The following EMSY variants were observed in gnomAD, a reference collection of about 807,000 sequenced individuals.
EMSY encodes the protein BRCA2-interacting transcriptional repressor EMSY.
A neutral mutation model predicts 134.6 loss-of-function variants in EMSY; 26 were observed. That is an observed-to-expected ratio of 0.19 (90% CI 0.14 to 0.27). EMSY has a LOEUF of 0.27. Ranked by LOEUF, EMSY falls within the 10% of genes least tolerant of loss-of-function variation. EMSY has a pLI of 1.00. For missense variants in EMSY, 1,305 were observed against 1,611.4 expected (o/e 0.81, Z 3.26); for synonymous variants, 579 against 577.8 (o/e 1.00, Z -0.03).
intron 9 of EMSY, among the ~76,000 whole-genome samples, chr11:76,503,436 T>C (rs1054140917): frequency 2.0e-5 from 3 of 151,858 alleles, no homozygotes; most frequent in Non-Finnish European, 4.4e-5. Context: ...GGAACAGAAT[T>C]GAAAGTCCAG....
At chr11:76,546,461 A>G (rs1951657343) in intron 20 of EMSY, among the ~76,000 whole-genome samples, 164 bp downstream of exon 21, 1 of 152,246 alleles carries the variant, frequency 6.6e-6, no homozygotes, top group Non-Finnish European at 1.5e-5. Flanking sequence ...CACCTATTAC[A>G]AAAATACAAA....
At chr11:76,510,986 T>C (rs544888283) in intron 9 of EMSY, among the ~76,000 whole-genome samples, 1 of 152,338 alleles carries the variant, frequency 6.6e-6, no homozygotes, top group Non-Finnish European at 1.5e-5. Flanking sequence ...TATTTGCCCT[T>C]GGCACGATTT....
chr11:76,532,299 T>C (rs983064308), intron 14 of EMSY, among the ~76,000 whole-genome samples: 6 of 151,806 alleles, frequency 4.0e-5, no homozygotes, highest in Non-Finnish European at 8.8e-5. Context: ...AACTGTGGCA[T>C]TGGGTTAAGC....
At chr11:76,477,270 G>GTT (rs529328999) in intron 8 of EMSY, among the ~76,000 whole-genome samples, 68 of 139,180 alleles carry the variant, frequency 4.9e-4, no homozygotes, top group African/African-American at 6.9e-4. Context: ...ATTTATTTCT[G>GTT]TTTTTTTTTT....
intron 9 of EMSY, among the ~76,000 whole-genome samples, chr11:76,512,795 GT>G (rs1950324544): frequency 6.7e-6 from 1 of 149,960 alleles, no homozygotes; most frequent in Non-Finnish European, 1.5e-5. Flanking sequence ...TCAAGTTCTT[GT>G]CCACACACAT....
intron 2 of EMSY, among the ~76,000 whole-genome samples, chr11:76,448,430 C>T (rs1225773742): frequency 6.6e-6 from 1 of 151,878 alleles, no homozygotes; most frequent in Non-Finnish European, 1.5e-5. Flanking sequence ...TAAAGTTGGA[C>T]TCATATTTAT....
intron 8 of EMSY, among the ~76,000 whole-genome samples, chr11:76,493,173 G>C (rs1949494074): frequency 6.6e-6 from 1 of 152,182 alleles, no homozygotes; most frequent in African/African-American, 2.4e-5. Flanking sequence ...CCTGGGTGCT[G>C]TTGCCACCCA....
chr11:76,509,171 C>T (rs966642626), intron 9 of EMSY, among the ~76,000 whole-genome samples: 2 of 151,862 alleles, frequency 1.3e-5, no homozygotes, highest in African/African-American at 2.4e-5. Flanking sequence ...ATAATGTGAG[C>T]GCACACTGTT....
intron 16 of EMSY, 108 bp from the exon 18 acceptor site, chr11:76,539,491 C>A: frequency 9.5e-7 from 1 of 1,051,746 alleles, no homozygotes; most frequent in South Asian, 1.4e-5. Flanking sequence ...CTAATTCAAG[C>A]AGAGGCCAGT....
At chr11:76,539,734 G>A in intron 17 of EMSY, 94 bp downstream of exon 18, 2 of 1,200,416 alleles carry the variant, frequency 1.7e-6, no homozygotes, top group Admixed American at 1.7e-5. Flanking sequence ...ACTCTCATCT[G>A]GTAGAGGAAA....
At chr11:76,487,761 C>T (rs1336365020) in intron 8 of EMSY, among the ~76,000 whole-genome samples, 5 of 152,206 alleles carry the variant, frequency 3.3e-5, no homozygotes, top group Admixed American at 2.6e-4. Flanking sequence ...TTTCATGTTT[C>T]GACTTGGGTC....
At chr11:76,517,477 G>A (rs1023837526) in intron 11 of EMSY, among the ~76,000 whole-genome samples, 3 of 152,126 alleles carry the variant, frequency 2.0e-5, no homozygotes, top group Non-Finnish European at 4.4e-5. Flanking sequence ...TTGTCAAAAA[G>A]GGATCTTATA....
intron 12 of EMSY, among the ~76,000 whole-genome samples, chr11:76,524,056 AAAAT>A (rs1421599638): frequency 3.3e-5 from 5 of 152,124 alleles, no homozygotes; most frequent in African/African-American, 2.4e-5. Flanking sequence ...CCTCAAACAA[AAAAT>A]AAATAAATAA....
intron 14 of EMSY, among the ~76,000 whole-genome samples, chr11:76,535,454 A>G (rs1951188751): frequency 6.6e-6 from 1 of 152,188 alleles, no homozygotes; most frequent in Non-Finnish European, 1.5e-5. Context: ...CATTGGAGAA[A>G]ATAAGACTCC....
intron 16 of EMSY, among the ~76,000 whole-genome samples, chr11:76,539,051 T>C (rs1469985616): frequency 6.6e-6 from 1 of 152,202 alleles, no homozygotes; most frequent in African/African-American, 2.4e-5. Flanking sequence ...GTTTAAAATG[T>C]GGTCTGGCAG....
chr11:76,513,123 G>A (rs1950334848), intron 9 of EMSY, among the ~76,000 whole-genome samples: 1 of 152,114 alleles, frequency 6.6e-6, no homozygotes, highest in East Asian at 1.9e-4. Flanking sequence ...GAAAGCTCTT[G>A]TATAACACAA....
chr11:76,506,916 A>G (rs951215122), intron 9 of EMSY, among the ~76,000 whole-genome samples: 1 of 152,212 alleles, frequency 6.6e-6, no homozygotes. Flanking sequence ...TGAATTTTAA[A>G]AAAAGAAAGA....
chr11:76,550,356 AAAAG>A (rs1042368986), exon 21 of EMSY: 8 of 335,810 alleles, frequency 2.4e-5, no homozygotes, highest in Admixed American at 6.5e-5. Flanking sequence ...AAAAAAATGA[AAAAG>A]AAAAAAAAAG....
Position 76,454,947 on chromosome 11 carries a change from C to T in EMSY, c.245+1559C>T, listed in dbSNP as rs142583462. Reference sequence around the variant, plus strand: ...CCTCCCCCTCCTAATACTGCCCACCCTTTAGCCATTTTGCTGCTTGGGAGT... The same window carrying T: ...CCTCCCCCTCCTAATACTGCCCACCTTTTAGCCATTTTGCTGCTTGGGAGT... On this transcript the variant is annotated intron_variant, in intron 4 of 20. Coordinates refer to ENST00000334736, the Ensembl canonical transcript of EMSY. Among the ~76,000 whole-genome samples the T allele has an allele frequency of 6.6e-5, 10 of 152,230 alleles. No homozygotes were observed. In the East Asian group the frequency reaches 1.4e-3, roughly 21 times the overall value.
Sources: allele counts gnomAD v4.1 joint callset (sites outside exome capture counted in the v4.1 genomes callset), GRCh38; gene constraint gnomAD v4.1.1; transcripts MANE v1.5; gene names NCBI Gene and HGNC (gene_info 2026-07-23, HGNC 2026-07-21).